The following PRIM2 variants were observed in gnomAD, a reference collection of about 807,000 sequenced individuals.
The protein encoded by PRIM2 is DNA primase large subunit.
In PRIM2, 39 loss-of-function variants were observed where a neutral mutation model predicts 67.3. The ratio of observed to expected loss-of-function variants is 0.58; its 90% CI spans 0.45 to 0.76. The LOEUF (loss-of-function observed/expected upper bound fraction) is 0.76. Among genes scored for constraint, PRIM2 ranks in the 30% least tolerant of loss-of-function variants. The pLI, the probability that PRIM2 is intolerant of heterozygous loss-of-function variation, is 0.00. For missense variants in PRIM2, 398 were observed against 598.7 expected, an observed-to-expected ratio of 0.66 and a Z score of 3.50; for synonymous variants, 143 against 198.7, an observed-to-expected ratio of 0.72 and a Z score of 2.36.
At chr6:57,345,184 G>C (rs1581812010) in intron 5 of PRIM2, among the ~76,000 whole-genome samples, 1 of 151,622 alleles carries the variant, frequency 6.6e-6, no homozygotes, top group South Asian at 2.1e-4. Flanking sequence ...TTTGAGACAG[G>C]GTTTCACTCC....
chr6:57,442,078 A>C (rs1772219014), intron 7 of PRIM2, among the ~76,000 whole-genome samples: 1 of 152,232 alleles, frequency 6.6e-6, no homozygotes, highest in African/African-American at 2.4e-5. Flanking sequence ...GGATTTGGCA[A>C]GAAAGTTTTA....
the PRIM2 span, among the ~76,000 whole-genome samples, chr6:57,232,429 G>A: frequency 4.6e-5 from 7 of 152,174 alleles, no homozygotes; most frequent in Admixed American, 3.3e-4. Flanking sequence ...GCGCGTGCCT[G>A]TAATCCCAGC....
intron 1 of PRIM2, 92 bp from the exon 2 acceptor site, chr6:57,318,343 CTG>C (rs1188421535): frequency 2.3e-5 from 29 of 1,258,412 alleles, no homozygotes; most frequent in South Asian, 4.7e-5. Context: ...CATTTTTTTT[CTG>C]TGTTTGTGGA....
intron 5 of PRIM2, among the ~76,000 whole-genome samples, chr6:57,371,938 A>G (rs1000904485): frequency 6.6e-6 from 1 of 152,266 alleles, no homozygotes; most frequent in African/African-American, 2.4e-5. Context: ...TAGTCAATTA[A>G]GTAGAAAAGT....
the PRIM2 span, among the ~76,000 whole-genome samples, chr6:57,269,217 C>A: frequency 4.6e-5 from 7 of 151,768 alleles, no homozygotes; most frequent in East Asian, 1.4e-3. Context: ...ACACTGACTT[C>A]CACAATGGTT....
chr6:57,499,569 A>G (rs1774085210), intron 7 of PRIM2, among the ~76,000 whole-genome samples: 1 of 152,206 alleles, frequency 6.6e-6, no homozygotes, highest in Non-Finnish European at 1.5e-5. Context: ...AATTACCATT[A>G]GACTATACCC....
At chr6:57,504,202 C>A (rs1457391110) in intron 7 of PRIM2, among the ~76,000 whole-genome samples, 1 of 152,138 alleles carries the variant, frequency 6.6e-6, no homozygotes, top group Non-Finnish European at 1.5e-5. Context: ...CATTTATTGG[C>A]ATTTTTCTTT....
At chr6:57,428,268 T>C (rs1168380461) in intron 7 of PRIM2, among the ~76,000 whole-genome samples, 1 of 152,204 alleles carries the variant, frequency 6.6e-6, no homozygotes, top group Non-Finnish European at 1.5e-5. Context: ...GTAAATTGAT[T>C]ATGAATCAAT....
chr6:57,312,498 T>TA (rs1767408349), upstream of PRIM2, among the ~76,000 whole-genome samples: 1 of 152,052 alleles, frequency 6.6e-6, no homozygotes, highest in African/African-American at 2.4e-5. Context: ...AACCCTGTCT[T>TA]GAAAAAACAA....
At chr6:57,629,251 G>A (rs1234405240) in intron 12 of PRIM2, among the ~76,000 whole-genome samples, 3 of 152,108 alleles carry the variant, frequency 2.0e-5, no homozygotes, top group African/African-American at 4.8e-5. Context: ...TCAGCAAAGT[G>A]TGCATCTAAG....
chr6:57,533,407 A>G (rs1774933437), intron 9 of PRIM2, among the ~76,000 whole-genome samples: 2 of 152,194 alleles, frequency 1.3e-5, no homozygotes, highest in African/African-American at 2.4e-5. Flanking sequence ...CTGTAATAAG[A>G]CTAGTAGAGA....
intron 7 of PRIM2, among the ~76,000 whole-genome samples, chr6:57,403,182 GT>G (rs1378206885): frequency 1.3e-5 from 2 of 150,888 alleles, no homozygotes; most frequent in African/African-American, 4.9e-5. Flanking sequence ...GTATATGAAA[GT>G]TTTTTGAAAA....
chr6:57,566,015 T>G (rs1461492669), intron 10 of PRIM2, among the ~76,000 whole-genome samples: 3 of 152,178 alleles, frequency 2.0e-5, no homozygotes, highest in Non-Finnish European at 4.4e-5. Flanking sequence ...ATAAATCTTT[T>G]AGTAATCCCT....
chr6:57,610,084 T>A (rs1266978970), intron 12 of PRIM2, among the ~76,000 whole-genome samples: 2 of 152,318 alleles, frequency 1.3e-5, no homozygotes, highest in African/African-American at 4.8e-5. Context: ...TTTAAAATTT[T>A]TGGAGACAGA....
chr6:57,641,520 A>G (rs1379128363), intron 13 of PRIM2, among the ~76,000 whole-genome samples: 29 of 152,330 alleles, frequency 1.9e-4, no homozygotes, highest in African/African-American at 7.0e-4. Flanking sequence ...CAGAATCTAC[A>G]AAGAACTTAA....
intron 10 of PRIM2, among the ~76,000 whole-genome samples, chr6:57,591,594 C>T (rs1776282853): frequency 6.6e-6 from 1 of 151,968 alleles, no homozygotes; most frequent in Non-Finnish European, 1.5e-5. Flanking sequence ...TAAGAAACAC[C>T]TGCCACTAAA....
intron 3 of PRIM2, among the ~76,000 whole-genome samples, chr6:57,322,653 G>T (rs147076029): frequency 0.02 from 2,981 of 152,266 alleles, 49 homozygotes; most frequent in Non-Finnish European, 0.03. Context: ...CTGTGAGTCA[G>T]TTAAACCTCT....
chr6:57,518,131 G>A (rs1465337481), intron 8 of PRIM2, among the ~76,000 whole-genome samples: 117 of 152,304 alleles, frequency 7.7e-4, no homozygotes, highest in Admixed American at 2.7e-3. Flanking sequence ...TATTTGGAAA[G>A]TAGTGCTAGA....
the PRIM2 span, among the ~76,000 whole-genome samples, chr6:57,276,479 A>C: frequency 2.0e-5 from 3 of 152,118 alleles, no homozygotes; most frequent in Non-Finnish European, 2.9e-5. Flanking sequence ...ATACATATGT[A>C]TGTATGTAAA....
Sources: gnomAD v4.1 joint callset for allele counts (sites outside exome capture counted in the v4.1 genomes callset) on GRCh38, gnomAD v4.1.1 for gene constraint, MANE v1.5 for transcripts, NCBI Gene and HGNC (gene_info 2026-07-23, HGNC 2026-07-21) for gene names.